Variants in KAZN observed in about 807,000 individuals in gnomAD.
KAZN encodes kazrin.
Under a neutral mutation model 87.4 loss-of-function variants are expected in KAZN, and 40 were observed. The ratio of observed to expected loss-of-function variants is 0.46; its 90% CI spans 0.36 to 0.60. The LOEUF is 0.60. Ranked by LOEUF, KAZN falls within the 20% of genes least tolerant of loss-of-function variation. KAZN has a pLI of 0.00. For synonymous variants in KAZN, 466 were observed against 458.3 expected, an observed-to-expected ratio of 1.02 and a Z score of -0.22; for missense variants, 898 against 1,073.9, an observed-to-expected ratio of 0.84 and a Z score of 2.29.
chr1:14,680,342 A>G lies in KAZN; in HGVS notation c.226+81119A>G, dbSNP rs1185519214. 4.6e-5 allele frequency among the ~76,000 whole-genome samples: 7 copies of G among 152,160 alleles called. No homozygotes were observed. In the East Asian group the frequency reaches 1.4e-3, roughly 29 times the overall value. On this transcript the variant is annotated intron_variant, in intron 1 of 14. Coordinates refer to ENST00000376030, the MANE Select transcript of KAZN (RefSeq NM_201628.3). ...TAGCCCTCCCCCTACTCCTGCAGCT[A>G]TGGCTCTGAGTTCTATCAGTATAGA...
chr1:14,003,353 T>C lies in KAZN; in HGVS notation c.91+109597T>C, dbSNP rs183129947. On this transcript the variant is annotated intron_variant, in intron 1 of 16. Transcript: ENST00000636203. ...AAATTAAAAAAAAAAAAAAAGAAAA[T>C]TACAAGTTGAACCTAAAATGTATGT... Among the ~76,000 whole-genome samples the C allele has an allele frequency of 4.5e-3, 660 of 146,104 alleles. 1 individual carries two copies. Among genetic ancestry groups the C allele is most frequent in the African/African-American group, 0.016 (633 of 39,454 alleles).
chr1:13,927,825 C>T (rs77948758), intron 1 of KAZN, among the ~76,000 whole-genome samples: 4,576 of 152,266 alleles, frequency 0.03, 217 homozygotes, highest in African/African-American at 0.1. Context: ...ACAGGGTGCT[C>T]AGAGGCTGCC....
At chr1:14,998,151 G>A (rs1668087977) in intron 2 of KAZN, among the ~76,000 whole-genome samples, 1 of 152,118 alleles carries the variant, frequency 6.6e-6, no homozygotes, top group Non-Finnish European at 1.5e-5. Flanking sequence ...ACAGACGGCG[G>A]GGGGGAGGGG....
At chr1:14,644,819 G>T (rs1342329550) in intron 1 of KAZN, among the ~76,000 whole-genome samples, 1 of 152,172 alleles carries the variant, frequency 6.6e-6, no homozygotes, top group Non-Finnish European at 1.5e-5. Context: ...AATCCCATTT[G>T]TCAATTTTTG....
At chr1:14,114,828 A>G (rs1389944234) in intron 1 of KAZN, among the ~76,000 whole-genome samples, 5 of 152,178 alleles carry the variant, frequency 3.3e-5, no homozygotes, top group Non-Finnish European at 1.5e-5. Flanking sequence ...CATCCCCACA[A>G]TGATTCCATA....
chr1:14,200,571 T>A (rs953443563), intron 2 of KAZN, among the ~76,000 whole-genome samples: 1 of 152,234 alleles, frequency 6.6e-6, no homozygotes, highest in African/African-American at 2.4e-5. Context: ...CATATGCATA[T>A]GTTATTTGTA....
chr1:14,333,035 C>G (rs1359606313), intron 2 of KAZN, among the ~76,000 whole-genome samples: 1 of 152,124 alleles, frequency 6.6e-6, no homozygotes, highest in Non-Finnish European at 1.5e-5. Flanking sequence ...CTCTCCCTAC[C>G]CCCATCCCAC....
intron 2 of KAZN, among the ~76,000 whole-genome samples, chr1:14,357,793 A>T (rs1442766659): frequency 6.6e-6 from 1 of 152,172 alleles, no homozygotes; most frequent in Non-Finnish European, 1.5e-5. Flanking sequence ...ATGGTGGATA[A>T]GTTTTTTGAT....
At chr1:14,380,235 C>T (rs527877541) in intron 2 of KAZN, among the ~76,000 whole-genome samples, 1 of 152,284 alleles carries the variant, frequency 6.6e-6, no homozygotes, top group African/African-American at 2.4e-5. Context: ...CCTGGAAAGC[C>T]TTTCCAAGAA....
At chr1:14,590,915 C>A (rs1314095801) in intron 2 of KAZN, among the ~76,000 whole-genome samples, 4 of 152,202 alleles carry the variant, frequency 2.6e-5, no homozygotes, top group Non-Finnish European at 5.9e-5. Flanking sequence ...TGGACTTAAA[C>A]CCATGCCTAA....
At chr1:15,012,548 G>A (rs76702947) in intron 2 of KAZN, among the ~76,000 whole-genome samples, 1,918 of 152,294 alleles carry the variant, frequency 0.013, 43 homozygotes, top group African/African-American at 0.043. Context: ...GGCCCTCAAT[G>A]CAGGGCACAG....
chr1:14,279,563 A>G (rs1314177091), intron 2 of KAZN, among the ~76,000 whole-genome samples: 2 of 152,226 alleles, frequency 1.3e-5, no homozygotes, highest in African/African-American at 4.8e-5. Context: ...TAGAAAACCC[A>G]CAGTCATACA....
At chr1:14,219,380 A>T (rs1320193359) in intron 2 of KAZN, among the ~76,000 whole-genome samples, 1 of 152,202 alleles carries the variant, frequency 6.6e-6, no homozygotes, top group Non-Finnish European at 1.5e-5. Context: ...TGTTGACCTT[A>T]TAATAGTTTA....
chr1:15,053,228 T>G (rs1475622213), intron 4 of KAZN, among the ~76,000 whole-genome samples: 2 of 152,198 alleles, frequency 1.3e-5, no homozygotes, highest in Non-Finnish European at 2.9e-5. Context: ...GGGGGCTGTG[T>G]GCACGCACAC....
At chr1:14,516,502 G>A (rs1671306865) in intron 2 of KAZN, among the ~76,000 whole-genome samples, 1 of 152,216 alleles carries the variant, frequency 6.6e-6, no homozygotes, top group Admixed American at 6.5e-5. Flanking sequence ...AGGCTAATGA[G>A]ACTCAAGTCT....
chr1:14,512,893 G>A (rs1319546728), intron 2 of KAZN, among the ~76,000 whole-genome samples: 4 of 152,156 alleles, frequency 2.6e-5, no homozygotes, highest in Non-Finnish European at 2.9e-5. Context: ...CGATCAGGCC[G>A]GCTCTTCTCC....
intron 8 of KAZN, among the ~76,000 whole-genome samples, chr1:15,082,840 G>A (rs527973737): frequency 5.9e-5 from 9 of 152,274 alleles, no homozygotes; most frequent in East Asian, 3.9e-4. Context: ...TTACAGGTGC[G>A]TGCCACCATA....
At chr1:14,321,897 C>T (rs1557638613) in intron 2 of KAZN, among the ~76,000 whole-genome samples, 2 of 152,148 alleles carry the variant, frequency 1.3e-5, no homozygotes, top group African/African-American at 4.8e-5. Context: ...AGAGAGCTTA[C>T]CCATGGACTT....
chr1:14,365,343 C>G (rs1157379768), intron 2 of KAZN, among the ~76,000 whole-genome samples: 1 of 141,758 alleles, frequency 7.1e-6, no homozygotes, highest in African/African-American at 2.7e-5. Context: ...CACCGCGCCC[C>G]GGCGCCCACC....
Sources: gnomAD v4.1 joint callset for allele counts (sites outside exome capture counted in the v4.1 genomes callset) on GRCh38, gnomAD v4.1.1 for gene constraint, MANE v1.5 for transcripts, NCBI Gene and HGNC (gene_info 2026-07-23, HGNC 2026-07-21) for gene names.